The following FCER1A variants were observed in gnomAD, a reference collection of about 807,000 sequenced individuals.
The protein encoded by FCER1A is high affinity immunoglobulin epsilon receptor subunit alpha.
A neutral mutation model predicts 23.6 loss-of-function variants in FCER1A; 24 were observed. The observed-to-expected ratio is 1.02, with a 90% CI of 0.74 to 1.43. FCER1A has a LOEUF of 1.43. FCER1A is among the 40% of genes most tolerant of loss of function. FCER1A has a pLI of 0.00. For synonymous variants in FCER1A, 121 were observed against 108.8 expected (o/e 1.11, Z -0.70); for missense variants, 318 against 294.5 (o/e 1.08, Z -0.58).
intron 3 of FCER1A, 113 bp from the exon 4 acceptor site, chr1:159,305,875 T>C (rs1353477363): frequency 2.2e-6 from 2 of 928,330 alleles, no homozygotes; most frequent in Non-Finnish European, 3.2e-6. Flanking sequence ...AAAAAGTGAG[T>C]TAATGATAAT....
intron 4 of FCER1A, among the ~76,000 whole-genome samples, chr1:159,307,530 AG>A (rs1285044240): frequency 1.3e-5 from 2 of 152,192 alleles, no homozygotes; most frequent in African/African-American, 4.8e-5. Flanking sequence ...TGGAGTTAAG[AG>A]GAAATGCTTA....
At chr1:159,304,214 C>G in intron 3 of FCER1A, 32 bp downstream of exon 3, 1 of 1,599,476 alleles carries the variant, frequency 6.3e-7, no homozygotes, top group Non-Finnish European at 8.6e-7. Flanking sequence ...ATACAGATCT[C>G]TCATGTGAGG....
At position 159,306,206 on chromosome 1, in the gene FCER1A, G is replaced by T. The variant is rs771027938; in HGVS notation, c.550G>T (p.Asp184Tyr). The T allele has an allele frequency of 6.2e-7, 1 of 1,614,124 alleles. No individual in the cohort carries two copies. The highest frequency in any genetic ancestry group is 1.1e-5 in the South Asian group (1 of 91,078). The change falls in exon 4 of 5, where the codon GAC becomes TAC. Residue 184 changes from aspartate (D) to tyrosine (Y), a missense_variant. Transcript: ENST00000693622. ...YYCTGKVWQL[D>Y]YESEPLNITV... ...CTGTACGGGCAAAGTGTGGCAGCTG[G>T]ACTATGAGTCTGAGCCCCTCAACAT...
At chr1:159,299,301 G>A (rs1339015235), upstream of FCER1A, among the ~76,000 whole-genome samples, 2 of 152,194 alleles carry the variant, frequency 1.3e-5, no homozygotes, top group South Asian at 4.1e-4. Flanking sequence ...AACTTTGAGA[G>A]TGAGAAGGAA....
At chr1:159,302,536 G>A (rs1652466396) in intron 1 of FCER1A, 117 bp downstream of exon 1, 4 of 812,936 alleles carry the variant, frequency 4.9e-6, no homozygotes, top group Non-Finnish European at 8.7e-6. Flanking sequence ...AAACTATTGG[G>A]CATTTCCCAG....
At chr1:159,289,834 C>G (rs1049508267) in intron 1 of FCER1A, 1 of 152,136 alleles carries the variant, frequency 6.6e-6, no homozygotes, top group African/African-American at 2.4e-5. Flanking sequence ...CTCCCTCTTC[C>G]AGATATCAGC....
chr1:159,286,919 T>C (rs1652033311), upstream of FCER1A, among the ~76,000 whole-genome samples: 1 of 152,134 alleles, frequency 6.6e-6, no homozygotes, highest in Non-Finnish European at 1.5e-5. Context: ...GAACATATTA[T>C]AGGGGGAGGA....
At chr1:159,302,483 A>T (rs1326805480) in intron 1 of FCER1A, 64 bp downstream of exon 1, 3 of 1,141,294 alleles carry the variant, frequency 2.6e-6, no homozygotes, top group Non-Finnish European at 4.0e-6. Flanking sequence ...CAGCTGGGGT[A>T]GGAACCTTTA....
chr1:159,304,244 G>C, intron 3 of FCER1A, 62 bp downstream of exon 3: 1 of 1,506,268 alleles, frequency 6.6e-7, no homozygotes, highest in Non-Finnish European at 9.1e-7. Flanking sequence ...TCTGAAGATG[G>C]GAAAAAACAG....
At chr1:159,299,479 C>T (rs1652374820), upstream of FCER1A, among the ~76,000 whole-genome samples, 1 of 152,186 alleles carries the variant, frequency 6.6e-6, no homozygotes, top group African/African-American at 2.4e-5. Context: ...GGGCACCTCA[C>T]AGTCCTCAGG....
At chr1:159,285,388 C>G (rs1448138011), upstream of FCER1A, among the ~76,000 whole-genome samples, 1 of 152,044 alleles carries the variant, frequency 6.6e-6, no homozygotes, top group Non-Finnish European at 1.5e-5. Context: ...TTTGTTATAT[C>G]TTCTGTACTT....
At chr1:159,297,240 T>G (rs541147067) in intron 1 of FCER1A, among the ~76,000 whole-genome samples, 1 of 152,200 alleles carries the variant, frequency 6.6e-6, no homozygotes, top group East Asian at 1.9e-4. Context: ...GACATGCGTG[T>G]GTTGGAGGTG....
At chr1:159,287,936 G>T (rs974633635), upstream of FCER1A, among the ~76,000 whole-genome samples, 1 of 151,914 alleles carries the variant, frequency 6.6e-6, no homozygotes, top group Non-Finnish European at 1.5e-5. Flanking sequence ...CATGCTCTCT[G>T]CTGTGCTGAG....
rs575353440 is a variant in FCER1A, at chr1:159,304,283, G to T, written c.331+101G>T. On this transcript the variant is annotated intron_variant, in intron 3 of 4. Coordinates refer to ENST00000693622, the MANE Select transcript of FCER1A (RefSeq NM_001387280.1). ...ATTCCAAGGGTTAGGACACCAGAGT[G>T]GGATTCAAGGCCTCTCATTTTTAAG... The T allele has an allele frequency of 1.7e-5, 19 of 1,147,458 alleles. No homozygotes were observed. In the South Asian group the frequency reaches 2.7e-4, roughly 16 times the overall value. The allele number at this position is 1,147,458 out of a possible 1,614,324, so 71.1% of individuals were successfully genotyped here.
chr1:159,306,879 C>T (rs1484100449), intron 4 of FCER1A, among the ~76,000 whole-genome samples: 1 of 152,164 alleles, frequency 6.6e-6, no homozygotes, highest in Non-Finnish European at 1.5e-5. Flanking sequence ...TTCCTTCACA[C>T]ACTTTGTACA....
chr1:159,304,720 C>T (rs766185389), intron 3 of FCER1A, among the ~76,000 whole-genome samples: 9 of 152,150 alleles, frequency 5.9e-5, no homozygotes, highest in Non-Finnish European at 1.2e-4. Context: ...CAATATTATT[C>T]CTCCACCCTA....
chr1:159,304,343 T>A (rs1250756083), intron 3 of FCER1A, among the ~76,000 whole-genome samples, 161 bp downstream of exon 3: 1 of 152,178 alleles, frequency 6.6e-6, no homozygotes, highest in African/African-American at 2.4e-5. Context: ...GGCTCACGCC[T>A]GTAATCCCAG....
At chr1:159,297,615 C>T (rs1417158389), upstream of FCER1A, among the ~76,000 whole-genome samples, 2 of 152,080 alleles carry the variant, frequency 1.3e-5, no homozygotes, top group African/African-American at 2.4e-5. Flanking sequence ...TGGTCACAGC[C>T]GAGACTCAAA....
At position 159,306,026 on chromosome 1, in the gene FCER1A, G is replaced by A. The variant is rs774128910; in HGVS notation, c.370G>A (p.Glu124Lys). 2.5e-6 allele frequency: 4 copies of A among 1,613,948 alleles called. No homozygotes were observed. The highest frequency in any genetic ancestry group is 1.3e-5 in the African/African-American group (1 of 75,044). Residue 124 changes from glutamate (E) to lysine (K), a missense_variant, in exon 4 of 5, where the codon GAG becomes AAG. Glu to Lys is a moderately conservative substitution (Grantham distance 56). Transcript: ENST00000693622. ...LLQASAEVVM[E>K]GQPLFLRCHG... is the part of the protein sequence containing the mutation. ...TCAGGCCTCTGCTGAGGTGGTGATG[G>A]AGGGCCAGCCCCTCTTCCTCAGGTG...
Sources: gnomAD v4.1 joint callset for allele counts (sites outside exome capture counted in the v4.1 genomes callset) on GRCh38, gnomAD v4.1.1 for gene constraint, MANE v1.5 for transcripts, NCBI Gene and HGNC (gene_info 2026-07-23, HGNC 2026-07-21) for gene names.